NKAIN2: variants seen among roughly 807,000 people sequenced by gnomAD.
The protein encoded by NKAIN2 is sodium/potassium transporting ATPase interacting 2, also known as sodium/potassium-transporting ATPase subunit beta-1-interacting protein 2.
Under a neutral mutation model 32.6 loss-of-function variants are expected in NKAIN2, and 14 were observed. That is an observed-to-expected ratio of 0.43 (90% confidence interval 0.28 to 0.67). NKAIN2 has a LOEUF of 0.67. Ranked by LOEUF, NKAIN2 falls within the 30% of genes least tolerant of loss-of-function variation. The probability of loss-of-function intolerance (pLI) is 0.17; values close to 1 mark genes in which losing one functional copy is unlikely to be tolerated. For missense variants in NKAIN2, 198 were observed against 258.3 expected (o/e 0.77, Z 1.60); for synonymous variants, 80 against 87.2 (o/e 0.92, Z 0.46).
At chr6:124,056,386 T>C (rs935396516) in intron 1 of NKAIN2, among the ~76,000 whole-genome samples, 1 of 151,932 alleles carries the variant, frequency 6.6e-6, no homozygotes, top group African/African-American at 2.4e-5. Context: ...TATTTTGGTA[T>C]TCTTGTCACA....
chr6:123,820,240 G>A (rs796651438), intron 1 of NKAIN2, among the ~76,000 whole-genome samples: 5 of 152,302 alleles, frequency 3.3e-5, no homozygotes, highest in African/African-American at 1.2e-4. Flanking sequence ...ACATTGATTA[G>A]TGTATATATG....
chr6:124,303,087 G>T (rs1469658345), intron 2 of NKAIN2, among the ~76,000 whole-genome samples: 1 of 152,172 alleles, frequency 6.6e-6, no homozygotes, highest in Non-Finnish European at 1.5e-5. Context: ...TCTTTCAGGA[G>T]AGAGGATCTA....
At chr6:124,613,718 AC>A (rs375248172) in intron 3 of NKAIN2, among the ~76,000 whole-genome samples, 56 of 152,234 alleles carry the variant, frequency 3.7e-4, no homozygotes, top group African/African-American at 1.3e-3. Context: ...CATCAAGCTA[AC>A]CTTTCCTTAC....
At chr6:124,639,877 A>G (rs186014152) in intron 3 of NKAIN2, among the ~76,000 whole-genome samples, 96 of 152,244 alleles carry the variant, frequency 6.3e-4, no homozygotes, top group Non-Finnish European at 1.0e-3. Flanking sequence ...ATTAAAATTT[A>G]CAGCTAGTTG....
intron 1 of NKAIN2, among the ~76,000 whole-genome samples, chr6:124,248,718 A>G (rs1793541734): frequency 6.6e-6 from 1 of 152,120 alleles, no homozygotes; most frequent in Non-Finnish European, 1.5e-5. Flanking sequence ...AAATCTTAGT[A>G]CAATGCCACT....
chr6:124,785,853 G>A (rs1779477178), intron 4 of NKAIN2, among the ~76,000 whole-genome samples: 1 of 152,164 alleles, frequency 6.6e-6, no homozygotes, highest in South Asian at 2.1e-4. Context: ...ACCCCAGTGG[G>A]GAGAAGAGAG....
chr6:124,091,661 ATT>A (rs138522988), intron 1 of NKAIN2, among the ~76,000 whole-genome samples: 2 of 149,614 alleles, frequency 1.3e-5, no homozygotes, highest in African/African-American at 4.9e-5. Flanking sequence ...TCAAAGCATT[ATT>A]TTTTTTTTCC....
intron 4 of NKAIN2, among the ~76,000 whole-genome samples, chr6:124,746,655 ATG>A (rs1777465832): frequency 2.0e-5 from 3 of 151,884 alleles, no homozygotes; most frequent in Admixed American, 2.0e-4. Flanking sequence ...TTGTGGAATT[ATG>A]TATGATTTTC....
intron 3 of NKAIN2, among the ~76,000 whole-genome samples, chr6:124,534,630 G>A (rs757123456): frequency 6.6e-6 from 1 of 152,176 alleles, no homozygotes; most frequent in Admixed American, 6.5e-5. Context: ...AGCAAACTTT[G>A]GGATATGTAA....
intron 1 of NKAIN2, among the ~76,000 whole-genome samples, chr6:123,994,993 T>C (rs1582899795): frequency 6.6e-6 from 1 of 152,152 alleles, no homozygotes; most frequent in African/African-American, 2.4e-5. Context: ...AAAGACTAAC[T>C]TGGTAAAGCA....
At chr6:124,502,910 G>A (rs532492471) in intron 3 of NKAIN2, among the ~76,000 whole-genome samples, 1 of 152,022 alleles carries the variant, frequency 6.6e-6, no homozygotes, top group Non-Finnish European at 1.5e-5. Context: ...TTATTTACCT[G>A]TTCCAGAATT....
At chr6:124,585,631 G>A (rs1217653671) in intron 3 of NKAIN2, among the ~76,000 whole-genome samples, 1 of 152,074 alleles carries the variant, frequency 6.6e-6, no homozygotes, top group Non-Finnish European at 1.5e-5. Flanking sequence ...CAAAACATCT[G>A]ATCAGACATT....
At chr6:124,428,579 A>G (rs332635) in intron 3 of NKAIN2, among the ~76,000 whole-genome samples, 112,473 of 152,056 alleles carry the variant, frequency 0.74, 41,859 homozygotes, top group East Asian at 0.86. Flanking sequence ...CTACAGCAGG[A>G]AAAAACAGAA....
intron 1 of NKAIN2, among the ~76,000 whole-genome samples, chr6:124,257,575 A>G (rs1475848961): frequency 6.6e-6 from 1 of 152,170 alleles, no homozygotes; most frequent in African/African-American, 2.4e-5. Context: ...TTTGAAATAC[A>G]ACATAACCTA....
At chr6:124,812,412 G>A (rs1582568341) in intron 5 of NKAIN2, among the ~76,000 whole-genome samples, 3 of 152,298 alleles carry the variant, frequency 2.0e-5, no homozygotes, top group Admixed American at 2.0e-4. Flanking sequence ...CCGTGAGCCA[G>A]ACACTGTTCT....
In NKAIN2 at chr6:124,154,393, A is replaced by G. The variant is rs1787878405; in HGVS notation, c.55-128612A>G. Among the ~76,000 whole-genome samples the G allele has an allele frequency of 5.9e-5, 9 of 152,038 alleles. No individual in the cohort carries two copies. In the South Asian group the frequency reaches 1.9e-3, roughly 32 times the overall value. On this transcript the variant is annotated intron_variant, in intron 1 of 6. Coordinates refer to ENST00000368417, the MANE Select transcript of NKAIN2 (RefSeq NM_001040214.3). ...AGCAATGTAAGGTTTTTTCCTTGAC[A>G]GACATTATTTGTCTGTTTGAGACAT...
At chr6:124,391,972 G>T (rs1327448473) in intron 3 of NKAIN2, among the ~76,000 whole-genome samples, 4 of 152,046 alleles carry the variant, frequency 2.6e-5, no homozygotes, top group Admixed American at 2.6e-4. Context: ...AATTTGTCTT[G>T]TTACTTGATG....
chr6:124,573,363 C>T (rs1195253932), intron 3 of NKAIN2, among the ~76,000 whole-genome samples: 1 of 152,048 alleles, frequency 6.6e-6, no homozygotes, highest in Non-Finnish European at 1.5e-5. Flanking sequence ...ATTATTTCTT[C>T]CTTATTTTAC....
chr6:124,211,259 A>G (rs942143239), intron 1 of NKAIN2, among the ~76,000 whole-genome samples: 3 of 151,906 alleles, frequency 2.0e-5, no homozygotes, highest in Non-Finnish European at 4.4e-5. Flanking sequence ...AAAAGATTAT[A>G]TTTAAAAAAG....
Sources: allele counts gnomAD v4.1 joint callset (sites outside exome capture counted in the v4.1 genomes callset), GRCh38; gene constraint gnomAD v4.1.1; transcripts MANE v1.5; gene names NCBI Gene and HGNC (gene_info 2026-07-23, HGNC 2026-07-21).